The following EPN2 variants were observed in gnomAD, a reference collection of about 807,000 sequenced individuals.
EPN2 encodes the protein epsin-2.
In EPN2, 34 loss-of-function variants were observed where a neutral mutation model predicts 61.7. The observed-to-expected ratio is 0.55, with a 90% CI of 0.42 to 0.73. The LOEUF is 0.73. Ranked by LOEUF, EPN2 falls within the 30% of genes least tolerant of loss-of-function variation. The pLI is 0.00. For synonymous variants in EPN2, 349 were observed against 353.6 expected (o/e 0.99, Z 0.15); for missense variants, 714 against 839.2 (o/e 0.85, Z 1.84).
At chr17:19,318,633 T>C (rs1205812853) in intron 7 of EPN2, among the ~76,000 whole-genome samples, 2 of 150,882 alleles carry the variant, frequency 1.3e-5, no homozygotes, top group African/African-American at 4.9e-5. Flanking sequence ...AGTTGCAGAG[T>C]TTTAAAATTC....
intron 8 of EPN2, chr17:19,329,221 G>A: frequency 2.3e-6 from 1 of 427,458 alleles, no homozygotes; most frequent in Non-Finnish European, 4.2e-6. Flanking sequence ...ACTCCTTCTG[G>A]TGACTTCCTA....
At chr17:19,238,234 G>A (rs928748577) in intron 1 of EPN2, among the ~76,000 whole-genome samples, 8 of 152,252 alleles carry the variant, frequency 5.3e-5, no homozygotes, top group Non-Finnish European at 1.0e-4. Flanking sequence ...CTGCTCGGCT[G>A]ATCCGGGTGG....
chr17:19,332,827 C>T (rs1457599819), intron 10 of EPN2, among the ~76,000 whole-genome samples: 4 of 152,240 alleles, frequency 2.6e-5, no homozygotes, highest in Non-Finnish European at 2.9e-5. Flanking sequence ...CCCTTCCTCA[C>T]GGGGTTTCCC....
intron 4 of EPN2, among the ~76,000 whole-genome samples, chr17:19,295,668 T>C (rs2045512924): frequency 6.6e-6 from 1 of 152,220 alleles, no homozygotes; most frequent in Admixed American, 6.5e-5. Flanking sequence ...TTGTTGTTTT[T>C]GTTTAGTGAT....
At position 19,313,154 on chromosome 17, in the gene EPN2, T is replaced by G. The variant is rs1906227665; in HGVS notation, c.1022T>G (p.Leu341Arg). 6.2e-7 allele frequency: 1 copy of G among 1,613,718 alleles called. No individual in the cohort carries two copies. The highest frequency in any genetic ancestry group is 8.5e-7 in the Non-Finnish European group (1 of 1,179,860). The change falls in exon 7 of 11, where the codon CTC becomes CGC. Residue 341 changes from leucine to arginine, a missense_variant. Coordinates refer to ENST00000314728, the MANE Select transcript of EPN2 (RefSeq NM_014964.5). ...ACGCTGTTGGATTTAATGGATGCTC[T>G]CCCCAGCTCGGGCCCCGCGGCCCAG... ...QTTLLDLMDA[L>R]PSSGPAAQKA...
chr17:19,315,027 G>A (rs1281083113), intron 7 of EPN2, among the ~76,000 whole-genome samples: 1 of 152,250 alleles, frequency 6.6e-6, no homozygotes, highest in East Asian at 1.9e-4. Flanking sequence ...AGCCAGGTGG[G>A]TTTAATAGAG....
chr17:19,320,181 C>T (rs1031903137), intron 7 of EPN2, among the ~76,000 whole-genome samples: 1 of 152,230 alleles, frequency 6.6e-6, no homozygotes, highest in Non-Finnish European at 1.5e-5. Context: ...GCTCAGACAT[C>T]CCTACTCAGG....
At chr17:19,312,548 A>G (rs1000373516) in intron 6 of EPN2, among the ~76,000 whole-genome samples, 2 of 152,188 alleles carry the variant, frequency 1.3e-5, no homozygotes, top group African/African-American at 4.8e-5. Flanking sequence ...TGACCAGGAC[A>G]TGGCTGGGCT....
In EPN2 at chr17:19,334,657, G is replaced by A. The variant is rs1472320663; in HGVS notation, c.*403G>A. 1 of 166,012 alleles carries A rather than the reference G, an allele frequency of 6.0e-6. No homozygotes were observed. The highest frequency in any genetic ancestry group is 2.4e-5 in the African/African-American group (1 of 42,058). The allele number at this position is 166,012 out of a possible 1,614,324, so 10.3% of individuals were successfully genotyped here. A position where few individuals can be genotyped will look rare whatever the true frequency, so the allele number is the denominator to read the frequency against. On this transcript the variant is annotated 3_prime_UTR_variant, in exon 11 of 11. Coordinates refer to ENST00000314728, the MANE Select transcript of EPN2 (RefSeq NM_014964.5). This position sits in a 1 kb window ranked among gnomAD's most constrained non-coding sequence, Gnocchi z 4.9. ...CCTAGGGACACCCCAGGCAGTCCTG[G>A]GTGTGGACACGATGAAGCACCGGCT... is the stretch of plus-strand genomic sequence containing the variant.
intron 1 of EPN2, among the ~76,000 whole-genome samples, chr17:19,264,066 C>T (rs1359992616): frequency 6.6e-6 from 1 of 152,172 alleles, no homozygotes; most frequent in African/African-American, 2.4e-5. Flanking sequence ...GTTGTCAGTG[C>T]TGGAAACGCG....
chr17:19,308,293 A>G (rs1905948383), intron 4 of EPN2: 2 of 828,432 alleles, frequency 2.4e-6, no homozygotes, highest in African/African-American at 3.7e-5. Flanking sequence ...AGGCTTGTCT[A>G]GAACTCCTGG....
intron 4 of EPN2, among the ~76,000 whole-genome samples, chr17:19,307,434 C>T (rs1905899007): frequency 6.6e-6 from 1 of 152,138 alleles, no homozygotes; most frequent in Non-Finnish European, 1.5e-5. Context: ...CCTCAGCCTC[C>T]TGAGTAGCTG....
intron 1 of EPN2, among the ~76,000 whole-genome samples, chr17:19,278,758 C>G (rs565151583): frequency 6.6e-6 from 1 of 152,336 alleles, no homozygotes; most frequent in African/African-American, 2.4e-5. Context: ...AAGCGATTCT[C>G]ATGCCTCAGC....
At chr17:19,252,410 TGGA>T (rs1189461672) in intron 1 of EPN2, among the ~76,000 whole-genome samples, 1 of 152,166 alleles carries the variant, frequency 6.6e-6, no homozygotes, top group Non-Finnish European at 1.5e-5. Flanking sequence ...CATTTCATGA[TGGA>T]GGATTTCAAA....
At chr17:19,333,883 C>A in intron 10 of EPN2, 73 bp from the exon 11 acceptor site, 1 of 1,321,644 alleles carries the variant, frequency 7.6e-7, no homozygotes, top group Non-Finnish European at 1.0e-6. Context: ...CACCCGCATG[C>A]AGTCCCTGAC....
chr17:19,284,616 A>G (rs908638976), intron 3 of EPN2, among the ~76,000 whole-genome samples: 1 of 152,224 alleles, frequency 6.6e-6, no homozygotes, highest in Non-Finnish European at 1.5e-5. Flanking sequence ...TAGTAACACT[A>G]TGTCAGCATA....
intron 5 of EPN2, among the ~76,000 whole-genome samples, chr17:19,310,311 G>T (rs1906060094): frequency 6.6e-6 from 1 of 152,180 alleles, no homozygotes; most frequent in Non-Finnish European, 1.5e-5. Flanking sequence ...TGAGTGAGCT[G>T]AGCCTGCACA....
chr17:19,302,910 A>G (rs1198099449), intron 4 of EPN2, among the ~76,000 whole-genome samples: 1 of 152,164 alleles, frequency 6.6e-6, no homozygotes, highest in Non-Finnish European at 1.5e-5. Context: ...CTGCTCTCTC[A>G]GGCTGATGAC....
intron 4 of EPN2, among the ~76,000 whole-genome samples, chr17:19,289,585 A>T (rs2045439724): frequency 6.6e-6 from 1 of 152,002 alleles, no homozygotes; most frequent in African/African-American, 2.4e-5. Flanking sequence ...TCTCCTAGAC[A>T]CGCAAGTGGA....
Sources: allele counts gnomAD v4.1 joint callset (sites outside exome capture counted in the v4.1 genomes callset), GRCh38; gene constraint gnomAD v4.1.1; non-coding constraint Gnocchi (gnomAD v3.1); transcripts MANE v1.5; gene names NCBI Gene and HGNC (gene_info 2026-07-23, HGNC 2026-07-21).